SBNO2: variants seen among roughly 807,000 people sequenced by gnomAD.
The protein encoded by SBNO2 is protein strawberry notch homolog 2.
A neutral mutation model predicts 146.3 loss-of-function variants in SBNO2; 89 were observed. That is an observed-to-expected ratio of 0.61 (90% CI 0.51 to 0.73). SBNO2 has a LOEUF of 0.73. Ranked by LOEUF, SBNO2 falls within the 30% of genes least tolerant of loss-of-function variation. The pLI, the probability that SBNO2 is intolerant of heterozygous loss-of-function variation, is 0.00. For missense variants in SBNO2, 2,092 were observed against 2,003.7 expected (o/e 1.04, Z -0.84); for synonymous variants, 1,147 against 892.6 (o/e 1.29, Z -5.08).
chr19:1,111,667 C>T, intron 23 of SBNO2, 53 bp from the exon 24 acceptor site: 18 of 1,378,504 alleles, frequency 1.3e-5, no homozygotes, highest in Non-Finnish European at 1.6e-5. Flanking sequence ...GCTGGCTTTC[C>T]CTGGACCCCT....
intron 4 of SBNO2, chr19:1,132,285 C>T: frequency 7.6e-7 from 1 of 1,312,004 alleles, no homozygotes; most frequent in Non-Finnish European, 9.7e-7. Flanking sequence ...GGTTTAGTCA[C>T]CGCCGCCGGC....
chr19:1,164,972 C>CAGG (rs1259604106), intron 1 of SBNO2, among the ~76,000 whole-genome samples: 11 of 68,956 alleles, frequency 1.6e-4, no homozygotes, highest in East Asian at 4.0e-4. Flanking sequence ...GGAGGAGGAA[C>CAGG]AGGAGGAGGA....
chr19:1,119,820 T>C (rs2145216627), intron 12 of SBNO2, 86 bp downstream of exon 12: 1 of 1,093,214 alleles, frequency 9.1e-7, no homozygotes, highest in Admixed American at 2.0e-5. Flanking sequence ...GGAGGCTGAG[T>C]ACGCGTGTGG....
At chr19:1,115,910 C>CATTTGG (rs1436416648) in intron 17 of SBNO2, 111 bp downstream of exon 17, 1 of 859,880 alleles carries the variant, frequency 1.2e-6, no homozygotes, top group Non-Finnish European at 1.9e-6. Flanking sequence ...ACAGGACCTG[C>CATTTGG]ATTTGGCTGA....
chr19:1,113,908 C>G lies in SBNO2; in HGVS notation c.2078-204G>C, dbSNP rs991383031. ...GAGACCAGCTGGGGCGAGACTAAGCCTCCTGTCGCGGACCAAACACTGTGA... is the reference window on the plus strand; with the variant it reads ...GAGACCAGCTGGGGCGAGACTAAGCGTCCTGTCGCGGACCAAACACTGTGA... On this transcript the variant is annotated intron_variant, in intron 18 of 31. Coordinates refer to ENST00000361757, the MANE Select transcript of SBNO2 (RefSeq NM_014963.3). 3.9e-5 allele frequency among the ~76,000 whole-genome samples: 6 copies of G among 152,212 alleles called. 1 individual carries two copies. Among genetic ancestry groups the G allele is most frequent in the Admixed American group, 3.9e-4 (6 of 15,280 alleles).
intron 1 of SBNO2, among the ~76,000 whole-genome samples, chr19:1,166,502 A>T (rs2145353601): frequency 6.6e-6 from 1 of 151,940 alleles, no homozygotes; most frequent in Non-Finnish European, 1.5e-5. Context: ...GTTTATTTTC[A>T]GTCTTTTGGG....
Position 1,140,715 on chromosome 19 carries a change from G to A in SBNO2, c.279+6594C>T, listed in dbSNP as rs1376823082. ...ACGGAAAACAGACGGACGCAGCAGG[G>A]ATGCCCGCAGGCAGCTCCCACGGGC... is the stretch of plus-strand genomic sequence containing the variant. On this transcript the variant is annotated intron_variant, in intron 4 of 31. Coordinates refer to ENST00000361757, the MANE Select transcript of SBNO2 (RefSeq NM_014963.3). This position sits in a 1 kb window ranked among gnomAD's most constrained non-coding sequence, Gnocchi z 4.4. 1.3e-5 allele frequency among the ~76,000 whole-genome samples: 2 copies of A among 152,208 alleles called. No homozygotes were observed. Among genetic ancestry groups the A allele is most frequent in the South Asian group, 2.1e-4 (1 of 4,838 alleles).
At position 1,122,768 on chromosome 19, in the gene SBNO2, G is replaced by T. The variant is rs527263008; in HGVS notation, c.804C>A (p.Ser268Arg). The T allele has an allele frequency of 6.5e-7, 1 of 1,537,804 alleles. No homozygotes were observed. Among genetic ancestry groups the T allele is most frequent in the Admixed American group, 2.0e-5 (1 of 50,988 alleles). ...CGATGAGAAAGCCCGCGCGCTGCCC[G>T]CTGGGGAGCAGGACCTCGTGTTGCT... ...ACQQHEVLLP[S>R]GQRAGFLIGD... The change falls in exon 9 of 32, where the codon AGC becomes AGA. Residue 268 changes from serine (S) to arginine (R), a missense_variant. By Grantham distance (110) the Ser-to-Arg change is moderately radical (BLOSUM62 -1). Coordinates refer to ENST00000361757, the MANE Select transcript of SBNO2 (RefSeq NM_014963.3).
rs367933939 is a variant in SBNO2, at chr19:1,155,605, G to C, written c.-126-1203C>G. Among the ~76,000 whole-genome samples the C allele has an allele frequency of 4.1e-4, 62 of 152,208 alleles. 1 individual carries two copies. The highest frequency in any genetic ancestry group is 7.2e-4 in the Non-Finnish European group (49 of 68,034). On this transcript the variant is annotated intron_variant, in intron 1 of 31. Coordinates refer to ENST00000361757, the MANE Select transcript of SBNO2 (RefSeq NM_014963.3). ...GGCCAATCCTTGTCAAAGATTCTGG[G>C]TCAGGCAGGATCAAAGCCTGGCTCC...
chr19:1,167,541 C>G (rs1240460117), intron 1 of SBNO2, among the ~76,000 whole-genome samples: 1 of 152,246 alleles, frequency 6.6e-6, no homozygotes, highest in Non-Finnish European at 1.5e-5. Flanking sequence ...CCATCCCTCC[C>G]TCCTAAAAGC....
chr19:1,118,685 A>G (rs1478467787), intron 14 of SBNO2, among the ~76,000 whole-genome samples: 1 of 152,228 alleles, frequency 6.6e-6, no homozygotes, highest in Admixed American at 6.5e-5. Context: ...CCTGGCCAAC[A>G]TGGAGAAACA....
intron 1 of SBNO2, among the ~76,000 whole-genome samples, chr19:1,155,488 G>T (rs1218689449): frequency 6.6e-6 from 1 of 152,230 alleles, no homozygotes; most frequent in Admixed American, 6.5e-5. Context: ...GGGACCCTTG[G>T]CAGCCCTTCC....
intron 1 of SBNO2, among the ~76,000 whole-genome samples, chr19:1,162,317 A>G (rs370731170): frequency 4.7e-5 from 7 of 148,730 alleles, no homozygotes; most frequent in Non-Finnish European, 1.0e-4. Context: ...AAAATTATCC[A>G]GGCGTGGTGG....
chr19:1,149,234 A>G (rs2080220419), intron 3 of SBNO2, 135 bp downstream of exon 3: 3 of 762,960 alleles, frequency 3.9e-6, no homozygotes, highest in East Asian at 2.7e-5. Flanking sequence ...GCCTTCCAGG[A>G]CCACGTGCAC....
In SBNO2 at chr19:1,112,725, G is replaced by C. The variant is rs1008791436; in HGVS notation, c.2379+93C>G. On this transcript the variant is annotated intron_variant, in intron 20 of 31. Coordinates refer to ENST00000361757, the MANE Select transcript of SBNO2 (RefSeq NM_014963.3). This position sits in a 1 kb window ranked among gnomAD's most constrained non-coding sequence, Gnocchi z 5.9. Reference sequence around the variant, plus strand: ...CCGCACCTGGCACACACACACTCCAGAAGTGCGCGGGTCCACAGTCCCCGG... The same window carrying C: ...CCGCACCTGGCACACACACACTCCACAAGTGCGCGGGTCCACAGTCCCCGG... The C allele has an allele frequency of 1.4e-6, 2 of 1,473,622 alleles. No individual in the cohort carries two copies. The highest frequency in any genetic ancestry group is 1.8e-6 in the Non-Finnish European group (2 of 1,110,294). 91.3% of individuals were successfully genotyped at this position (1,473,622 alleles called of 1,614,324 possible). A position where few individuals can be genotyped will look rare whatever the true frequency, so the allele number is the denominator to read the frequency against.
At position 1,112,100 on chromosome 19, in the gene SBNO2, C is replaced by T. The variant is rs755892146; in HGVS notation, c.2629-33G>A. 2.3e-5 allele frequency: 37 copies of T among 1,611,112 alleles called. No homozygotes were observed. The highest frequency in any genetic ancestry group is 2.7e-5 in the Non-Finnish European group (32 of 1,179,136). On this transcript the variant is annotated intron_variant, in intron 22 of 31. Coordinates refer to ENST00000361757, the MANE Select transcript of SBNO2 (RefSeq NM_014963.3). The surrounding 1 kb of genome is among the most constrained non-coding windows in gnomAD (Gnocchi z 5.9). ...GGGTGGGGAGGCCATCAGTTGGTCA[C>T]CTGGGGTCTGGCCTCTAGCACCCCA...
chr19:1,156,356 C>T, intron 1 of SBNO2, among the ~76,000 whole-genome samples: 1 of 152,146 alleles, frequency 6.6e-6, no homozygotes, highest in African/African-American at 2.4e-5. Context: ...AGACCTGGAC[C>T]GGGAGGGGAT....
chr19:1,162,459 CA>C lies in SBNO2; in HGVS notation c.-126-8058del, dbSNP rs71335341. ...TGGGTGAAAGAGCGAGACTCCGTCTCAAAAAAAAAAAAAGAAACGCTGTTGG... is the reference window on the plus strand; with the variant it reads ...TGGGTGAAAGAGCGAGACTCCGTCTCAAAAAAAAAAAAGAAACGCTGTTGG... On this transcript the variant is annotated intron_variant, in intron 1 of 31. Coordinates refer to ENST00000361757, the MANE Select transcript of SBNO2 (RefSeq NM_014963.3). Among the ~76,000 whole-genome samples the C allele has an allele frequency of 2.5e-3, 333 of 134,104 alleles. 2 individuals are homozygous for C. Among genetic ancestry groups the C allele is most frequent in the African/African-American group, 5.5e-3 (196 of 35,552 alleles). 88.0% of individuals were successfully genotyped at this position (134,104 alleles called of 152,430 possible). A position where few individuals can be genotyped will look rare whatever the true frequency, so the allele number is the denominator to read the frequency against.
Position 1,136,099 on chromosome 19 carries a change from A to C in SBNO2, c.280-8334T>G, listed in dbSNP as rs1431321535. ...CGAAGGAGACACAGTCCCGGGGAGG[A>C]GGCCACGGGACACAGAAGCAGAGAT... On this transcript the variant is annotated intron_variant, in intron 4 of 31. Transcript: ENST00000361757. This position sits in a 1 kb window ranked among gnomAD's most constrained non-coding sequence, Gnocchi z 4.2. 6.6e-6 allele frequency among the ~76,000 whole-genome samples: 1 copy of C among 151,586 alleles called. No homozygotes were observed. Among genetic ancestry groups the C allele is most frequent in the African/African-American group, 2.4e-5 (1 of 41,190 alleles).
Sources: allele counts gnomAD v4.1 joint callset (sites outside exome capture counted in the v4.1 genomes callset), GRCh38; gene constraint gnomAD v4.1.1; non-coding constraint Gnocchi (gnomAD v3.1); transcripts MANE v1.5; gene names NCBI Gene and HGNC (gene_info 2026-07-23, HGNC 2026-07-21).